ACSS3: variants seen among roughly 807,000 people sequenced by gnomAD.
ACSS3 encodes acyl-CoA synthetase short chain family member 3.
A neutral mutation model predicts 84.2 loss-of-function variants in ACSS3; 64 were observed. That is an observed-to-expected ratio of 0.76 (90% CI 0.62 to 0.94). ACSS3 has a LOEUF of 0.94. Ranked by LOEUF, ACSS3 falls within the 40% of genes least tolerant of loss-of-function variation. The probability of loss-of-function intolerance (pLI) is 0.00; values close to 1 mark genes in which losing one functional copy is unlikely to be tolerated. For missense variants in ACSS3, 815 were observed against 867.6 expected (o/e 0.94, Z 0.76); for synonymous variants, 317 against 310.1 (o/e 1.02, Z -0.23).
intron 1 of ACSS3, among the ~76,000 whole-genome samples, chr12:81,088,692 A>G (rs1206232148): frequency 6.6e-6 from 1 of 152,080 alleles, no homozygotes; most frequent in African/African-American, 2.4e-5. Context: ...ATTTCAACCC[A>G]GGCTGGCTGA....
At chr12:81,238,762 A>G (rs1398409400) in intron 13 of ACSS3, among the ~76,000 whole-genome samples, 1 of 149,408 alleles carries the variant, frequency 6.7e-6, no homozygotes, top group Non-Finnish European at 1.5e-5. Flanking sequence ...TTTTTTCCTT[A>G]GCCTGGCTAG....
At chr12:81,128,049 G>A (rs1034236602) in intron 2 of ACSS3, among the ~76,000 whole-genome samples, 4 of 151,940 alleles carry the variant, frequency 2.6e-5, no homozygotes, top group African/African-American at 4.8e-5. Context: ...GAAATTTAAA[G>A]CTTTTACTTC....
At chr12:81,235,676 A>G (rs2033609370) in intron 13 of ACSS3, among the ~76,000 whole-genome samples, 1 of 151,450 alleles carries the variant, frequency 6.6e-6, no homozygotes, top group Admixed American at 6.6e-5. Context: ...TGTACTTTCT[A>G]GCATACAGAT....
intron 5 of ACSS3, among the ~76,000 whole-genome samples, chr12:81,148,719 A>C (rs886946174): frequency 1.2e-4 from 18 of 151,860 alleles, no homozygotes; most frequent in African/African-American, 3.4e-4. Context: ...TTTTTATGAG[A>C]ATATATGAGA....
At chr12:81,089,751 A>T (rs1881553687) in intron 1 of ACSS3, among the ~76,000 whole-genome samples, 5 of 152,044 alleles carry the variant, frequency 3.3e-5, no homozygotes. Context: ...AGACTATAGT[A>T]CTGCTGTTTT....
chr12:81,199,485 G>C (rs1173883273), intron 9 of ACSS3, 41 bp downstream of exon 9: 4 of 1,577,034 alleles, frequency 2.5e-6, no homozygotes, highest in Non-Finnish European at 3.5e-6. Flanking sequence ...GTAAAGAAAT[G>C]TTCCAAAAAG....
chr12:81,127,004 A>C lies in ACSS3; in HGVS notation c.457-7812A>C, dbSNP rs189405460. Among the ~76,000 whole-genome samples, 777 of 151,922 alleles carry C rather than the reference A, an allele frequency of 5.1e-3. 5 individuals carry two copies. Among genetic ancestry groups the C allele is most frequent in the Middle Eastern group, 0.01 (2 of 192 alleles). On this transcript the variant is annotated intron_variant, in intron 2 of 15. Coordinates refer to ENST00000548058, the MANE Select transcript of ACSS3 (RefSeq NM_024560.4). ...AAATTTAATACAATGCGATTCTTAA[A>C]TATAAAATAAGTATTCCTCTGTGTT...
At position 81,259,087 on chromosome 12, in the gene ACSS3, A is replaced by T. The variant is rs1362044905; in HGVS notation, c.*4165A>T. The T allele has an allele frequency of 4.1e-5, 7 of 171,384 alleles. No homozygotes were observed. The highest frequency in any genetic ancestry group is 6.3e-5 in the Admixed American group (1 of 15,868). 10.6% of individuals were successfully genotyped at this position (171,384 alleles called of 1,614,324 possible). On this transcript the variant is annotated 3_prime_UTR_variant, in exon 16 of 16. Transcript: ENST00000548058. ...AGGTTAAATCATTCTTTTTTACATG[A>T]TCAGAGGCAGGTTGTTCAGCTTTAA...
chr12:81,128,880 CTTTA>C (rs962682887), intron 2 of ACSS3, among the ~76,000 whole-genome samples: 7 of 152,194 alleles, frequency 4.6e-5, no homozygotes, highest in South Asian at 2.1e-4. Context: ...TCCAATAATA[CTTTA>C]TTTGAGTGAT....
rs768892088 is a variant in ACSS3 at position 81,174,945 on chromosome 12, G to C, written c.1250+6G>C. 7 of 1,613,010 alleles carry C rather than the reference G, an allele frequency of 4.3e-6. No individual in the cohort carries two copies. In the Admixed American group the frequency reaches 6.7e-5, roughly 15 times the overall value. On this transcript the variant is annotated splice_donor_region_variant and intron_variant, in intron 8 of 15. Coordinates refer to ENST00000548058, the MANE Select transcript of ACSS3 (RefSeq NM_024560.4). The stretch of plus-strand genomic sequence containing the variant: ...AAGCAGTACTCTCTGACAAGGTGAC[G>C]TTGGGATGCACAGGGCAAATGACAT...
chr12:81,124,209 G>A (rs1884885505), intron 2 of ACSS3, among the ~76,000 whole-genome samples: 1 of 152,120 alleles, frequency 6.6e-6, no homozygotes, highest in African/African-American at 2.4e-5. Flanking sequence ...GTATCTCATT[G>A]TGGTTTTGAT....
At chr12:81,093,965 A>T (rs984303573) in intron 1 of ACSS3, among the ~76,000 whole-genome samples, 6 of 152,070 alleles carry the variant, frequency 3.9e-5, no homozygotes, top group African/African-American at 1.4e-4. Flanking sequence ...TTCACTTGTA[A>T]GAAGTGTTTT....
chr12:81,209,228 A>T (rs967619366), intron 9 of ACSS3, among the ~76,000 whole-genome samples: 1 of 152,078 alleles, frequency 6.6e-6, no homozygotes, highest in East Asian at 1.9e-4. Flanking sequence ...GGTCCTGCTG[A>T]TACAAATGAC....
chr12:81,131,887 T>C (rs1885528218), intron 2 of ACSS3, among the ~76,000 whole-genome samples: 1 of 152,278 alleles, frequency 6.6e-6, no homozygotes, highest in Non-Finnish European at 1.5e-5. Context: ...GAGATAATCA[T>C]GTGGTTTTTG....
At chr12:81,123,733 T>A (rs1249511715) in intron 2 of ACSS3, among the ~76,000 whole-genome samples, 2 of 152,220 alleles carry the variant, frequency 1.3e-5, no homozygotes. Context: ...TGGTTTTCTG[T>A]CTCTGTGTTA....
intron 5 of ACSS3, among the ~76,000 whole-genome samples, chr12:81,144,903 C>CTTTTTTTTTTTTTTT (rs1292727483): frequency 1.5e-4 from 17 of 116,958 alleles, no homozygotes; most frequent in South Asian, 2.7e-4. Flanking sequence ...TTTTTCTTTT[C>CTTTTTTTTTTTTTTT]TTTTTTTTTT....
At chr12:81,083,794 AC>A (rs1473427097) in intron 1 of ACSS3, among the ~76,000 whole-genome samples, 1 of 151,792 alleles carries the variant, frequency 6.6e-6, no homozygotes, top group East Asian at 2.0e-4. Flanking sequence ...ACATGGTGAA[AC>A]CCCATATCTA....
chr12:81,249,975 C>T (rs2034098922), intron 13 of ACSS3, among the ~76,000 whole-genome samples: 1 of 152,018 alleles, frequency 6.6e-6, no homozygotes, highest in African/African-American at 2.4e-5. Context: ...TAAGAAACAA[C>T]AGATGACAGG....
chr12:81,088,109 G>A (rs1475221777), intron 1 of ACSS3, among the ~76,000 whole-genome samples: 1 of 152,030 alleles, frequency 6.6e-6, no homozygotes. Context: ...AGAGGAGCAA[G>A]GCTTTTCACT....
Sources: allele counts gnomAD v4.1 joint callset (sites outside exome capture counted in the v4.1 genomes callset), GRCh38; gene constraint gnomAD v4.1.1; transcripts MANE v1.5; gene names NCBI Gene and HGNC (gene_info 2026-07-23, HGNC 2026-07-21).